ITGA9: variants seen among roughly 807,000 people sequenced by gnomAD.
ITGA9 encodes integrin subunit alpha 9, also known as integrin alpha-9.
ITGA9 carries 56 observed loss-of-function variants against 127.8 expected under a neutral mutation model. The observed-to-expected ratio is 0.44, with a 90% CI of 0.35 to 0.55. The LOEUF is 0.55. Ranked by LOEUF, ITGA9 falls within the 20% of genes least tolerant of loss-of-function variation. ITGA9 has a pLI of 0.00. For synonymous variants in ITGA9, 508 were observed against 514.5 expected (o/e 0.99, Z 0.17); for missense variants, 1,196 against 1,347.1 (o/e 0.89, Z 1.76).
chr3:37,468,574 G>A (rs114881738), intron 1 of ITGA9, among the ~76,000 whole-genome samples: 491 of 152,226 alleles, frequency 3.2e-3, no homozygotes, highest in Non-Finnish European at 5.6e-3. Flanking sequence ...TGCCTAGCTG[G>A]AGTGTTGCAG....
At chr3:37,475,771 G>A (rs945780868) in intron 3 of ITGA9, among the ~76,000 whole-genome samples, 48 of 152,186 alleles carry the variant, frequency 3.2e-4, no homozygotes, top group African/African-American at 1.2e-3. Flanking sequence ...CATTTTGAGT[G>A]TACAGTAGTG....
chr3:37,708,189 G>A (rs1701028773), intron 18 of ITGA9, among the ~76,000 whole-genome samples: 1 of 152,220 alleles, frequency 6.6e-6, no homozygotes, highest in Admixed American at 6.5e-5. Context: ...GAACCCAAAT[G>A]TTGTCTGGAA....
intron 5 of ITGA9, among the ~76,000 whole-genome samples, chr3:37,498,242 C>T (rs1438585793): frequency 6.6e-6 from 1 of 152,140 alleles, no homozygotes; most frequent in African/African-American, 2.4e-5. Flanking sequence ...GGGGCAGAAA[C>T]TTAGATTTGG....
chr3:37,458,091 A>G (rs1462172461), intron 1 of ITGA9, among the ~76,000 whole-genome samples: 1 of 152,258 alleles, frequency 6.6e-6, no homozygotes, highest in Admixed American at 6.5e-5. Flanking sequence ...AATTTTAACA[A>G]CCAAAATGAA....
At chr3:37,456,072 T>A (rs1034568128) in intron 1 of ITGA9, among the ~76,000 whole-genome samples, 2 of 152,122 alleles carry the variant, frequency 1.3e-5, no homozygotes, top group Non-Finnish European at 2.9e-5. Context: ...AACCCAGCTC[T>A]GTAGCCATAT....
chr3:37,484,660 A>G (rs950509251), intron 4 of ITGA9, among the ~76,000 whole-genome samples: 1 of 152,122 alleles, frequency 6.6e-6, no homozygotes, highest in Non-Finnish European at 1.5e-5. Context: ...TGTTATTCAC[A>G]TGCCACACAA....
chr3:37,685,614 C>T (rs1215477723), intron 18 of ITGA9, among the ~76,000 whole-genome samples: 2 of 152,178 alleles, frequency 1.3e-5, no homozygotes, highest in Admixed American at 6.5e-5. Flanking sequence ...CTGTGGAACT[C>T]ATCTCTGTGG....
rs1698205336 is a variant in ITGA9 at position 37,452,491 on chromosome 3, C to T, written c.117C>T (p.His39=). The stretch of plus-strand genomic sequence containing the variant: ...ACCTCGACCCGCAGCGCCCCGTGCA[C>T]TTCCAGGGCCCCGCTGACTCGTTCT... ...AYNLDPQRPV[H]FQGPADSFFG... is the part of the protein sequence containing the mutation. Residue 39 remains histidine (H), a synonymous_variant, in exon 1 of 28, where the codon CAC becomes CAT. Coordinates refer to ENST00000264741, the MANE Select transcript of ITGA9 (RefSeq NM_002207.3). This position sits in a 1 kb window ranked among gnomAD's most constrained non-coding sequence, Gnocchi z 7.3. 1.3e-6 allele frequency: 2 copies of T among 1,520,068 alleles called. No homozygotes were observed. Among genetic ancestry groups the T allele is most frequent in the Admixed American group, 4.1e-5 (2 of 48,266 alleles). The allele number at this position is 1,520,068 out of a possible 1,614,324, so 94.2% of individuals were successfully genotyped here.
At chr3:37,463,837 G>A (rs1366035366) in intron 1 of ITGA9, among the ~76,000 whole-genome samples, 1 of 152,090 alleles carries the variant, frequency 6.6e-6, no homozygotes, top group East Asian at 1.9e-4. Context: ...CCAGAAAAGG[G>A]AACAAGGTTC....
At chr3:37,611,043 T>C (rs1396672267) in intron 15 of ITGA9, among the ~76,000 whole-genome samples, 1 of 152,132 alleles carries the variant, frequency 6.6e-6, no homozygotes, top group African/African-American at 2.4e-5. Context: ...AAAAAAAAAG[T>C]AAAGCATCAG....
chr3:37,718,217 G>T lies in ITGA9; in HGVS notation c.2068-14495G>T, dbSNP rs13340155. On this transcript the variant is annotated intron_variant, in intron 18 of 27. Coordinates refer to ENST00000264741, the MANE Select transcript of ITGA9 (RefSeq NM_002207.3). ...GAAAACATACGTGTCTCACACATGA[G>T]AATTATTGTGTAGAAGCTGTTTCCC... 9.8e-3 allele frequency among the ~76,000 whole-genome samples: 1,491 copies of T among 152,350 alleles called. 31 individuals are homozygous for T. The highest frequency in any genetic ancestry group is 0.034 in the African/African-American group (1,403 of 41,568).
intron 15 of ITGA9, among the ~76,000 whole-genome samples, chr3:37,569,854 T>C (rs1047624748): frequency 2.6e-5 from 4 of 152,228 alleles, no homozygotes; most frequent in Non-Finnish European, 5.9e-5. Context: ...CTTAGTCCCA[T>C]CCTCAAAGTA....
rs1696569143 is a variant in ITGA9, at chr3:37,750,466, A to G, written c.2438A>G (p.Tyr813Cys). Residue 813 changes from tyrosine (Y) to cysteine (C), a missense_variant, in exon 23 of 28, where the codon TAC (tyrosine) becomes TGC (cysteine). Physicochemically the swap from Tyr to Cys is radical, Grantham distance 194. Coordinates refer to ENST00000264741, the MANE Select transcript of ITGA9 (RefSeq NM_002207.3). ...FQPINITLQV[Y>C]NTGPSTLPGS... ...GTGTGTGTTCCACACCCACAGGTCT[A>G]CAACACTGGCCCAAGCACCCTTCCA... is the stretch of plus-strand genomic sequence containing the variant. The G allele has an allele frequency of 1.2e-6, 2 of 1,604,134 alleles. No homozygotes were observed. Among genetic ancestry groups the G allele is most frequent in the Non-Finnish European group, 1.7e-6 (2 of 1,170,922 alleles).
chr3:37,803,957 T>G lies in ITGA9; in HGVS notation c.3009+15T>G. ...TGCTCTGGAAGGTGAGTCTGGTGAT[T>G]GCAGGTCCCCCTGGGGTCCCCACTC... On this transcript the variant is annotated intron_variant, in intron 27 of 27. Transcript: ENST00000264741. 6.2e-7 allele frequency: 1 copy of G among 1,614,010 alleles called. No homozygotes were observed.
intron 22 of ITGA9, among the ~76,000 whole-genome samples, chr3:37,747,834 T>C (rs893291296): frequency 5.3e-5 from 8 of 151,550 alleles, no homozygotes; most frequent in Non-Finnish European, 1.0e-4. Context: ...GCTCAAGCAA[T>C]CCTCCCACCT....
chr3:37,676,134 T>G (rs1007711662), intron 17 of ITGA9, among the ~76,000 whole-genome samples: 2 of 152,202 alleles, frequency 1.3e-5, no homozygotes, highest in Non-Finnish European at 2.9e-5. Flanking sequence ...TCATTAAAGA[T>G]TTATCACAAA....
intron 16 of ITGA9, among the ~76,000 whole-genome samples, chr3:37,651,997 G>A (rs1168173226): frequency 6.6e-6 from 1 of 151,992 alleles, no homozygotes; most frequent in Non-Finnish European, 1.5e-5. Flanking sequence ...ACCTCTCCAT[G>A]CCTCACAAAG....
intron 4 of ITGA9, among the ~76,000 whole-genome samples, chr3:37,493,827 C>G (rs1008241814): frequency 6.6e-6 from 1 of 152,214 alleles, no homozygotes. Flanking sequence ...TTTCCTACCC[C>G]TCTTCCTTGC....
intron 1 of ITGA9, 33 bp from the exon 2 acceptor site, chr3:37,470,974 G>A (rs1194168216): frequency 1.2e-6 from 2 of 1,613,368 alleles, no homozygotes; most frequent in South Asian, 1.1e-5. Context: ...CTTATCGTAG[G>A]TTGTGACAGA....
Sources: allele counts gnomAD v4.1 joint callset (sites outside exome capture counted in the v4.1 genomes callset), GRCh38; gene constraint gnomAD v4.1.1; non-coding constraint Gnocchi (gnomAD v3.1); transcripts MANE v1.5; gene names NCBI Gene and HGNC (gene_info 2026-07-23, HGNC 2026-07-21).